C11orf65: variants seen among roughly 807,000 people sequenced by gnomAD.
C11orf65 encodes protein MFI.
C11orf65 carries 38 observed loss-of-function variants against 35.3 expected under a neutral mutation model. The observed-to-expected ratio is 1.08, with a 90% confidence interval of 0.83 to 1.41. The LOEUF is 1.41. Ranked by LOEUF, C11orf65 falls within the 40% of genes most tolerant of loss-of-function variation. C11orf65 has a pLI of 0.00. For synonymous variants in C11orf65, 105 were observed against 114.4 expected (o/e 0.92, Z 0.53); for missense variants, 370 against 367.1 (o/e 1.01, Z -0.06).
chr11:108,409,829 C>T lies in C11orf65; in HGVS notation c.175-2680G>A, dbSNP rs752436998. ...ACACGCACAGGATCTAGGTTGCATA[C>T]GCCTTATGAGAATCTAATGCCTTGA... On this transcript the variant is annotated intron_variant, in intron 3 of 8. Coordinates refer to ENST00000393084, the MANE Select transcript of C11orf65 (RefSeq NM_152587.5). Among the ~76,000 whole-genome samples, 36 of 152,076 alleles carry T rather than the reference C, an allele frequency of 2.4e-4. 1 individual carries two copies. Among genetic ancestry groups the T allele is most frequent in the Admixed American group, 3.9e-4 (6 of 15,264 alleles).
chr11:108,334,002 C>A (rs761930835), intron 3 of C11orf65: 2 of 1,527,542 alleles, frequency 1.3e-6, no homozygotes, highest in Non-Finnish European at 9.1e-7. Context: ...TTTTTTTAAA[C>A]TAAATTTTTT....
chr11:108,321,700 T>C (rs1351844534), intron 6 of C11orf65, among the ~76,000 whole-genome samples: 1 of 152,018 alleles, frequency 6.6e-6, no homozygotes, highest in Non-Finnish European at 1.5e-5. Flanking sequence ...GGAAAATTGC[T>C]TGAACCCAGC....
chr11:108,351,101 T>C (rs1396526546), intron 2 of C11orf65, among the ~76,000 whole-genome samples: 3 of 152,176 alleles, frequency 2.0e-5, no homozygotes, highest in Non-Finnish European at 4.4e-5. Context: ...TAACACACAA[T>C]ATAGAAGACT....
At chr11:108,358,960 G>A (rs1387605673) in intron 2 of C11orf65, among the ~76,000 whole-genome samples, 2 of 152,006 alleles carry the variant, frequency 1.3e-5, no homozygotes, top group African/African-American at 2.4e-5. Flanking sequence ...AACTTTAAAT[G>A]TATATGGACT....
chr11:108,337,719 T>C (rs761140956), intron 2 of C11orf65, among the ~76,000 whole-genome samples: 1 of 152,224 alleles, frequency 6.6e-6, no homozygotes, highest in Non-Finnish European at 1.5e-5. Context: ...TAGAGATTGC[T>C]AAGAAGTTTT....
At chr11:108,447,968 C>A (rs1365796185) in intron 2 of C11orf65, among the ~76,000 whole-genome samples, 1 of 152,192 alleles carries the variant, frequency 6.6e-6, no homozygotes, top group African/African-American at 2.4e-5. Context: ...ACCAATCCCA[C>A]AGAAATACAA....
Position 108,312,453 on chromosome 11 carries a change from T to G in C11orf65, c.641-3382A>C, listed in dbSNP as rs1060504265. 9 of 1,597,160 alleles carry G rather than the reference T, an allele frequency of 5.6e-6. No individual in the cohort carries two copies. Among genetic ancestry groups the G allele is most frequent in the Admixed American group, 1.7e-5 (1 of 59,970 alleles). On this transcript the variant is annotated intron_variant, in intron 6 of 6. Coordinates refer to the C11orf65 transcript ENST00000525729. ...AAGGAAGCCAGAGTACAACTATTTC[T>G]AGCTTGAGTGAAAAAAGTAAAGAAG...
chr11:108,354,730 C>A, intron 2 of C11orf65: 1 of 1,194,260 alleles, frequency 8.4e-7, no homozygotes. Context: ...CAGCATACTA[C>A]ACATGAGAGT....
intron 2 of C11orf65, among the ~76,000 whole-genome samples, chr11:108,357,201 C>G (rs969711058): frequency 7.2e-5 from 11 of 152,186 alleles, no homozygotes; most frequent in African/African-American, 1.9e-4. Flanking sequence ...CCTGGAAAAT[C>G]GGGTCACTCC....
At chr11:108,453,767 T>G (rs566878758) in intron 2 of C11orf65, among the ~76,000 whole-genome samples, 1 of 152,346 alleles carries the variant, frequency 6.6e-6, no homozygotes, top group African/African-American at 2.4e-5. Context: ...AAATCTCACT[T>G]GATCATTATT....
intron 6 of C11orf65, among the ~76,000 whole-genome samples, chr11:108,312,160 A>G (rs181291071): frequency 3.9e-4 from 60 of 152,282 alleles, no homozygotes; most frequent in Middle Eastern, 3.4e-3. Context: ...AAACAATCCA[A>G]TCTCTTTATA....
rs763431129 is a variant in C11orf65, at chr11:108,325,466, A to G, written c.641-16395T>C. Reference sequence around the variant, plus strand: ...TGGAAAAGGAAATGGACAACTCACAAAGAGAATGTATTAAGGACATTCTCA... The same window carrying G: ...TGGAAAAGGAAATGGACAACTCACAGAGAGAATGTATTAAGGACATTCTCA... On this transcript the variant is annotated intron_variant, in intron 6 of 6. Coordinates refer to the C11orf65 transcript ENST00000525729. The G allele has an allele frequency of 1.9e-6, 3 of 1,613,748 alleles. No homozygotes were observed. Among genetic ancestry groups the G allele is most frequent in the Non-Finnish European group, 2.5e-6 (3 of 1,179,892 alleles).
intron 3 of C11orf65, among the ~76,000 whole-genome samples, chr11:108,430,711 G>A (rs192300866): frequency 5.3e-5 from 8 of 152,034 alleles, no homozygotes; most frequent in Admixed American, 2.6e-4. Flanking sequence ...TGGACGCGGT[G>A]GCATGCGCCT....
intron 2 of C11orf65, among the ~76,000 whole-genome samples, chr11:108,438,367 C>T (rs1467911777): frequency 2.0e-5 from 3 of 151,660 alleles, no homozygotes; most frequent in South Asian, 2.1e-4. Flanking sequence ...GCCTGGCCAA[C>T]GTGGTGAAAC....
At chr11:108,353,687 T>C (rs1057310310) in intron 2 of C11orf65, 2 of 1,190,920 alleles carry the variant, frequency 1.7e-6, no homozygotes, top group African/African-American at 1.5e-5. Context: ...TTTCTTGCCT[T>C]TGTAAAGTTC....
intron 2 of C11orf65, among the ~76,000 whole-genome samples, chr11:108,433,172 A>G (rs764835951): frequency 6.6e-6 from 1 of 151,952 alleles, no homozygotes; most frequent in Non-Finnish European, 1.5e-5. Context: ...AGTACCAAAG[A>G]GAGACTGGGT....
chr11:108,324,639 A>C (rs975370297), intron 6 of C11orf65, among the ~76,000 whole-genome samples: 1 of 152,126 alleles, frequency 6.6e-6, no homozygotes, highest in Admixed American at 6.5e-5. Context: ...AAGAGCTTTC[A>C]TTTCTTAGTC....
chr11:108,418,307 C>T (rs1283986918), intron 3 of C11orf65, among the ~76,000 whole-genome samples: 1 of 152,024 alleles, frequency 6.6e-6, no homozygotes, highest in Non-Finnish European at 1.5e-5. Flanking sequence ...AATATATATT[C>T]TTTTCAAGTA....
At chr11:108,387,135 C>CT (rs1420076443) in intron 7 of C11orf65, among the ~76,000 whole-genome samples, 1 of 120,788 alleles carries the variant, frequency 8.3e-6, no homozygotes, top group Non-Finnish European at 1.8e-5. Flanking sequence ...ATTTTCTTTT[C>CT]TTTTCTTTCT....
Sources: gnomAD v4.1 joint callset for allele counts (sites outside exome capture counted in the v4.1 genomes callset) on GRCh38, gnomAD v4.1.1 for gene constraint, MANE v1.5 for transcripts, NCBI Gene and HGNC (gene_info 2026-07-23, HGNC 2026-07-21) for gene names.